The following CNRIP1 variants were observed in gnomAD, a reference collection of about 807,000 sequenced individuals.
CNRIP1 encodes the protein cannabinoid receptor interacting protein 1, also known as CB1 cannabinoid receptor-interacting protein 1.
In CNRIP1, 10 loss-of-function variants were observed where a neutral mutation model predicts 15.2. That is an observed-to-expected ratio of 0.66 (90% CI 0.41 to 1.12). CNRIP1 has a LOEUF of 1.12. Ranked by LOEUF, CNRIP1 falls within the 50% of genes most tolerant of loss-of-function variation. The pLI, the probability that CNRIP1 is intolerant of heterozygous loss-of-function variation, is 0.00. For missense variants in CNRIP1, 211 were observed against 214.7 expected, an observed-to-expected ratio of 0.98 and a Z score of 0.11; for synonymous variants, 91 against 83.2, an observed-to-expected ratio of 1.09 and a Z score of -0.51.
chr2:68,310,930 C>A (rs1672049481), intron 2 of CNRIP1, among the ~76,000 whole-genome samples: 1 of 151,672 alleles, frequency 6.6e-6, no homozygotes, highest in Non-Finnish European at 1.5e-5. Context: ...AGAAGATAAG[C>A]ACAAGACTAG....
intron 2 of CNRIP1, among the ~76,000 whole-genome samples, chr2:68,313,593 T>G (rs569238961): frequency 1.3e-5 from 2 of 152,198 alleles, no homozygotes; most frequent in Non-Finnish European, 2.9e-5. Flanking sequence ...CATGAAATTC[T>G]TACATAGTTA....
intron 1 of CNRIP1, among the ~76,000 whole-genome samples, 186 bp from the exon 2 acceptor site, chr2:68,317,493 C>T (rs967034971): frequency 2.0e-5 from 3 of 152,190 alleles, no homozygotes; most frequent in East Asian, 1.9e-4. Context: ...ACCTACCTAT[C>T]CCCAGCCCCA....
chr2:68,292,941 A>G (rs1671214393), downstream of CNRIP1: 1 of 828,888 alleles, frequency 1.2e-6, no homozygotes, highest in Admixed American at 6.2e-5. Flanking sequence ...GGCCTGAGTG[A>G]AGCTGGCCTA....
intron 2 of CNRIP1, among the ~76,000 whole-genome samples, chr2:68,301,893 CAAAAAAAA>C (rs61613452): frequency 4.0e-5 from 3 of 74,312 alleles, no homozygotes; most frequent in East Asian, 3.8e-4. Flanking sequence ...GTCTCCGTCT[CAAAAAAAA>C]AAAAAAAAAA....
chr2:68,287,496 T>C (rs11674241), intron 2 of CNRIP1, among the ~76,000 whole-genome samples: 22,140 of 152,256 alleles, frequency 0.15, 1,729 homozygotes, highest in Middle Eastern at 0.27. Context: ...TTTTTCACGA[T>C]AAAATATTGG....
At chr2:68,300,367 C>T (rs1671559158) in intron 2 of CNRIP1, among the ~76,000 whole-genome samples, 2 of 152,074 alleles carry the variant, frequency 1.3e-5, no homozygotes, top group Non-Finnish European at 2.9e-5. Context: ...GCTGGCAATC[C>T]CAGCATTTTG....
chr2:68,319,665 C>T lies in CNRIP1; in HGVS notation c.-265G>A, dbSNP rs1379197123. On this transcript the variant is annotated 5_prime_UTR_variant, in exon 1 of 3. Coordinates refer to ENST00000263655, the MANE Select transcript of CNRIP1 (RefSeq NM_015463.3). ...CCAAGGCCGCGCGCTTCCCCATCCC[C>T]CGCTCCAGTGCTGCGCCCTCCACGC... The T allele has an allele frequency of 4.6e-6, 2 of 439,210 alleles. No homozygotes were observed. The highest frequency in any genetic ancestry group is 4.1e-6 in the Non-Finnish European group (1 of 246,160). The allele number at this position is 439,210 out of a possible 1,614,324, so 27.2% of individuals were successfully genotyped here. A position where few individuals can be genotyped will look rare whatever the true frequency, so the allele number is the denominator to read the frequency against.
chr2:68,285,992 ATTCAGGG>A, intron 2 of CNRIP1, among the ~76,000 whole-genome samples: 1 of 152,226 alleles, frequency 6.6e-6, no homozygotes, highest in East Asian at 1.9e-4. Context: ...GAAACTTGTC[ATTCAGGG>A]TTAGATTGTT....
chr2:68,306,717 G>T (rs1194911468), intron 2 of CNRIP1, among the ~76,000 whole-genome samples: 2 of 151,782 alleles, frequency 1.3e-5, no homozygotes, highest in Non-Finnish European at 2.9e-5. Flanking sequence ...GGAAGTGGAG[G>T]TTGCAGTGAG....
At position 68,302,898 on chromosome 2, in the gene CNRIP1, G is replaced by C. The variant is rs189180454; in HGVS notation, c.331-8872C>G. ...GAGTCTCCCTGTCGCCCAGGCTGGA[G>C]TGCAGTGGTGCGATCTCGGCTCACT... is the stretch of plus-strand genomic sequence containing the variant. On this transcript the variant is annotated intron_variant, in intron 2 of 2. Transcript: ENST00000263655. Among the ~76,000 whole-genome samples, 1,446 of 146,538 alleles carry C rather than the reference G, an allele frequency of 9.9e-3. 23 individuals carry two copies. Among genetic ancestry groups the C allele is most frequent in the African/African-American group, 0.034 (1,322 of 38,976 alleles).
At chr2:68,296,390 C>T (rs959297845) in intron 2 of CNRIP1, among the ~76,000 whole-genome samples, 1 of 151,944 alleles carries the variant, frequency 6.6e-6, no homozygotes, top group African/African-American at 2.4e-5. Flanking sequence ...CCTGCCTCTA[C>T]AAAAAATGTT....
intron 2 of CNRIP1, among the ~76,000 whole-genome samples, chr2:68,311,244 G>A (rs1672063487): frequency 2.0e-5 from 3 of 152,054 alleles, no homozygotes; most frequent in Admixed American, 2.0e-4. Flanking sequence ...CCAAACTACT[G>A]ACAAGCAGAA....
chr2:68,304,424 G>A (rs1056486572), intron 2 of CNRIP1, among the ~76,000 whole-genome samples: 2 of 151,622 alleles, frequency 1.3e-5, no homozygotes, highest in Non-Finnish European at 2.9e-5. Flanking sequence ...AAGTTGGAGA[G>A]CCTTAGCTTA....
chr2:68,294,117 T>C, intron 2 of CNRIP1, 91 bp from the exon 3 acceptor site: 1 of 1,348,942 alleles, frequency 7.4e-7, no homozygotes, highest in Non-Finnish European at 1.0e-6. Context: ...TCCTGGATAA[T>C]CAAGCAGACC....
chr2:68,298,865 G>C (rs561130186), intron 2 of CNRIP1, among the ~76,000 whole-genome samples: 1 of 152,240 alleles, frequency 6.6e-6, no homozygotes, highest in South Asian at 2.1e-4. Flanking sequence ...TCTTCTTAAA[G>C]AACAGGAACA....
intron 2 of CNRIP1, among the ~76,000 whole-genome samples, chr2:68,296,116 C>G (rs1027902536): frequency 6.6e-6 from 1 of 152,142 alleles, no homozygotes. Flanking sequence ...AAAGGTCCAT[C>G]TTTAAGGCAC....
chr2:68,308,311 A>G (rs1223175689), intron 2 of CNRIP1, among the ~76,000 whole-genome samples: 1 of 152,150 alleles, frequency 6.6e-6, no homozygotes, highest in Non-Finnish European at 1.5e-5. Context: ...AAGAATGCAC[A>G]TTTCTACATT....
downstream of CNRIP1, among the ~76,000 whole-genome samples, chr2:68,290,373 A>G (rs541431912): frequency 6.6e-6 from 1 of 152,278 alleles, no homozygotes; most frequent in Admixed American, 6.5e-5. Flanking sequence ...ATTACTGATG[A>G]TAATGGGCCC....
intron 2 of CNRIP1, among the ~76,000 whole-genome samples, chr2:68,310,531 G>T (rs538949357): frequency 5.3e-5 from 8 of 152,278 alleles, no homozygotes; most frequent in Middle Eastern, 3.4e-3. Flanking sequence ...GCTGCATACT[G>T]CTGGAAGATA....
Sources: allele counts gnomAD v4.1 joint callset (sites outside exome capture counted in the v4.1 genomes callset), GRCh38; gene constraint gnomAD v4.1.1; transcripts MANE v1.5; gene names NCBI Gene and HGNC (gene_info 2026-07-23, HGNC 2026-07-21).